Variants in MAPK10 observed in about 807,000 individuals in gnomAD.
MAPK10 encodes the protein JNK3 alpha protein kinase.
In MAPK10, 25 loss-of-function variants were observed where a neutral mutation model predicts 59.3. The ratio of observed to expected loss-of-function variants is 0.42; its 90% CI spans 0.31 to 0.59. The LOEUF is 0.59. Ranked by LOEUF, MAPK10 falls within the 20% of genes least tolerant of loss-of-function variation. The pLI, the probability that MAPK10 is intolerant of heterozygous loss-of-function variation, is 0.15. For synonymous variants in MAPK10, 190 were observed against 200.5 expected (o/e 0.95, Z 0.44); for missense variants, 351 against 568.9 (o/e 0.62, Z 3.90).
At chr4:86,581,753 T>A (rs1762288335) in intron 1 of MAPK10, among the ~76,000 whole-genome samples, 1 of 150,546 alleles carries the variant, frequency 6.6e-6, no homozygotes, top group African/African-American at 2.4e-5. Context: ...AAATTCTTTA[T>A]ACAACCTCTA....
At chr4:86,116,151 A>C (rs1165941831) in intron 4 of MAPK10, among the ~76,000 whole-genome samples, 1 of 152,250 alleles carries the variant, frequency 6.6e-6, no homozygotes, top group Non-Finnish European at 1.5e-5. Flanking sequence ...AATGGCAATC[A>C]GTCATGAAGG....
intron 1 of MAPK10, among the ~76,000 whole-genome samples, chr4:86,506,636 G>A (rs1048757508): frequency 7.2e-5 from 11 of 152,122 alleles, no homozygotes; most frequent in African/African-American, 2.7e-4. Context: ...AGGGGAGGAA[G>A]GGAGTCAAGG....
chr4:86,525,667 A>G (rs149711264), intron 1 of MAPK10, among the ~76,000 whole-genome samples: 3 of 152,368 alleles, frequency 2.0e-5, no homozygotes, highest in African/African-American at 4.8e-5. Flanking sequence ...TTAAATCACT[A>G]GAGGAGCCAG....
intron 2 of MAPK10, among the ~76,000 whole-genome samples, chr4:86,250,213 A>G (rs369933506): frequency 3.3e-5 from 5 of 152,192 alleles, no homozygotes; most frequent in African/African-American, 1.2e-4. Context: ...AGCTATGATC[A>G]TTGATTAAAT....
At chr4:86,491,029 A>T (rs1262826591) in intron 1 of MAPK10, among the ~76,000 whole-genome samples, 2 of 152,174 alleles carry the variant, frequency 1.3e-5, no homozygotes, top group Admixed American at 1.3e-4. Context: ...CTAGCTAGTT[A>T]GCTTGTTTGT....
At chr4:86,119,803 T>G (rs1237342749) in intron 4 of MAPK10, 2 of 152,176 alleles carry the variant, frequency 1.3e-5, no homozygotes, top group Non-Finnish European at 2.9e-5. Context: ...CTACACACTC[T>G]TCATAGGTAG....
intron 1 of MAPK10, among the ~76,000 whole-genome samples, chr4:86,496,805 C>G (rs1372610456): frequency 6.6e-6 from 1 of 152,040 alleles, no homozygotes; most frequent in African/African-American, 2.4e-5. Flanking sequence ...CCCCCCCCAC[C>G]CAACAAAAAA....
rs569290292 is a variant in MAPK10 at position 86,421,078 on chromosome 4, C to A, written c.-122+31952G>T. On this transcript the variant is annotated intron_variant, in intron 1 of 13. Transcript: ENST00000361569. ...GCCTGGGTGACATAGTGAGACTCCA[C>A]CTCAGAAAGAAAAAAAAAAAATTTA... Among the ~76,000 whole-genome samples the A allele has an allele frequency of 3.0e-4, 46 of 151,624 alleles. 1 individual carries two copies. The highest frequency in any genetic ancestry group is 1.2e-3 in the Admixed American group (19 of 15,234).
chr4:86,359,288 C>CTCTGTGTGTGTG (rs796310826), intron 1 of MAPK10, among the ~76,000 whole-genome samples: 181 of 94,612 alleles, frequency 1.9e-3, no homozygotes, highest in African/African-American at 9.2e-3. Context: ...CTCTCTCTCT[C>CTCTGTGTGTGTG]TGTGTGTGTG....
intron 11 of MAPK10, among the ~76,000 whole-genome samples, chr4:86,042,397 G>C (rs529789059): frequency 2.6e-5 from 4 of 151,986 alleles, no homozygotes; most frequent in Non-Finnish European, 5.9e-5. Context: ...CTAGAAGCTG[G>C]GTTGATAGGT....
chr4:86,529,132 G>A (rs1757683324), intron 1 of MAPK10, among the ~76,000 whole-genome samples: 1 of 152,208 alleles, frequency 6.6e-6, no homozygotes, highest in African/African-American at 2.4e-5. Flanking sequence ...TATGCTCTCT[G>A]CAGTTGATGG....
intron 1 of MAPK10, among the ~76,000 whole-genome samples, chr4:86,470,684 G>T (rs1240765513): frequency 6.6e-6 from 1 of 150,850 alleles, no homozygotes; most frequent in East Asian, 1.9e-4. Flanking sequence ...TTCTCCCTTT[G>T]CAGCCAAAGG....
intron 2 of MAPK10, among the ~76,000 whole-genome samples, chr4:86,227,251 G>T (rs2090779495): frequency 6.6e-6 from 1 of 152,110 alleles, no homozygotes; most frequent in Non-Finnish European, 1.5e-5. Flanking sequence ...ACTTTGGGAG[G>T]CCGAGGCAGG....
chr4:86,374,945 T>C (rs1229468732), intron 1 of MAPK10, among the ~76,000 whole-genome samples: 1 of 152,212 alleles, frequency 6.6e-6, no homozygotes, highest in African/African-American at 2.4e-5. Flanking sequence ...CACGTGTTCA[T>C]CCAGTTAACA....
intron 2 of MAPK10, among the ~76,000 whole-genome samples, chr4:86,278,478 G>A (rs1281543937): frequency 6.6e-6 from 1 of 152,104 alleles, no homozygotes; most frequent in Non-Finnish European, 1.5e-5. Flanking sequence ...AAAGGCAAAA[G>A]GAGTTATGTC....
chr4:86,430,333 T>C (rs1747868241), intron 1 of MAPK10, among the ~76,000 whole-genome samples: 2 of 152,218 alleles, frequency 1.3e-5, no homozygotes, highest in Non-Finnish European at 2.9e-5. Flanking sequence ...TATGAATTCA[T>C]TGGCACGGTA....
chr4:86,323,301 A>G (rs377124275), intron 2 of MAPK10, among the ~76,000 whole-genome samples: 1 of 152,206 alleles, frequency 6.6e-6, no homozygotes, highest in East Asian at 1.9e-4. Context: ...GATCTGTGTC[A>G]TCTCGAAGTC....
intron 4 of MAPK10, among the ~76,000 whole-genome samples, chr4:86,157,886 A>G (rs2068312720): frequency 6.6e-6 from 1 of 151,994 alleles, no homozygotes; most frequent in African/African-American, 2.4e-5. Flanking sequence ...TCACTGCCAC[A>G]AATCTGTGGC....
chr4:86,544,858 C>T (rs1432747383), intron 1 of MAPK10, among the ~76,000 whole-genome samples: 1 of 150,830 alleles, frequency 6.6e-6, no homozygotes, highest in Non-Finnish European at 1.5e-5. Flanking sequence ...ATATCCTTGT[C>T]TTTCAAACTG....
Sources: allele counts gnomAD v4.1 joint callset (sites outside exome capture counted in the v4.1 genomes callset), GRCh38; gene constraint gnomAD v4.1.1; transcripts MANE v1.5; gene names NCBI Gene and HGNC (gene_info 2026-07-23, HGNC 2026-07-21).